The following SLCO3A1 variants were observed in gnomAD, a reference collection of about 807,000 sequenced individuals.
The protein encoded by SLCO3A1 is solute carrier organic anion transporter family member 3A1.
Under a neutral mutation model 63.1 loss-of-function variants are expected in SLCO3A1, and 27 were observed. The ratio of observed to expected loss-of-function variants is 0.43; its 90% confidence interval spans 0.32 to 0.59. The LOEUF (loss-of-function observed/expected upper bound fraction) is 0.59. Ranked by LOEUF, SLCO3A1 falls within the 20% of genes least tolerant of loss-of-function variation. The probability of loss-of-function intolerance (pLI) is 0.09; values close to 1 mark genes in which losing one functional copy is unlikely to be tolerated. For synonymous variants in SLCO3A1, 473 were observed against 409.9 expected, an observed-to-expected ratio of 1.15 and a Z score of -1.86; for missense variants, 773 against 945.8, an observed-to-expected ratio of 0.82 and a Z score of 2.40.
At chr15:92,092,411 G>C (rs2047488510) in intron 2 of SLCO3A1, among the ~76,000 whole-genome samples, 1 of 152,082 alleles carries the variant, frequency 6.6e-6, no homozygotes, top group Non-Finnish European at 1.5e-5. Context: ...GAGTCAAGAA[G>C]GGTAGGCACA....
chr15:92,082,295 A>G (rs2047356575), intron 2 of SLCO3A1, among the ~76,000 whole-genome samples: 1 of 152,232 alleles, frequency 6.6e-6, no homozygotes, highest in South Asian at 2.1e-4. Context: ...TGCAGATTTA[A>G]GATGTGGCAA....
chr15:91,980,925 A>G (rs909477177), intron 2 of SLCO3A1, among the ~76,000 whole-genome samples: 1 of 152,242 alleles, frequency 6.6e-6, no homozygotes, highest in Admixed American at 6.5e-5. Flanking sequence ...ATTCATGTGC[A>G]GAAACTGGCA....
intron 1 of SLCO3A1, among the ~76,000 whole-genome samples, chr15:91,899,759 G>A (rs756944026): frequency 6.6e-6 from 1 of 152,156 alleles, no homozygotes; most frequent in Non-Finnish European, 1.5e-5. Context: ...CCCAGTTGTG[G>A]TAAGTTCCTG....
chr15:91,884,470 T>C (rs975109807), intron 1 of SLCO3A1, among the ~76,000 whole-genome samples: 216 of 142,682 alleles, frequency 1.5e-3, no homozygotes, highest in African/African-American at 5.3e-3. Flanking sequence ...CGAGATCGCG[T>C]CACTGCGCTC....
rs1308289987 is a variant in SLCO3A1, at chr15:91,941,749, G to C, written c.646+25291G>C. Among the ~76,000 whole-genome samples, 2 of 151,776 alleles carry C rather than the reference G, an allele frequency of 1.3e-5. No individual in the cohort carries two copies. The highest frequency in any genetic ancestry group is 4.8e-5 in the African/African-American group (2 of 41,280). Reference sequence around the variant, plus strand: ...TATCTTCTATTCATTAACCTTCATGGAGCTTGTCTGTGTGCAACTTCATCT... The same window carrying C: ...TATCTTCTATTCATTAACCTTCATGCAGCTTGTCTGTGTGCAACTTCATCT... On this transcript the variant is annotated intron_variant, in intron 2 of 9. Transcript: ENST00000318445. This position sits in a 1 kb window ranked among gnomAD's most constrained non-coding sequence, Gnocchi z 4.4.
intron 1 of SLCO3A1, among the ~76,000 whole-genome samples, chr15:91,880,400 T>TGTGTG (rs1897545885): frequency 8.9e-6 from 1 of 112,810 alleles, no homozygotes; most frequent in Non-Finnish European, 2.1e-5. Context: ...TCTCTCTCTC[T>TGTGTG]CTCTCTCTCT....
At chr15:92,152,889 T>A (rs1016374441) in intron 9 of SLCO3A1, among the ~76,000 whole-genome samples, 6 of 152,208 alleles carry the variant, frequency 3.9e-5, no homozygotes, top group African/African-American at 9.6e-5. Flanking sequence ...GTGGAGTTGC[T>A]ATGGAGATCT....
intron 4 of SLCO3A1, among the ~76,000 whole-genome samples, chr15:92,111,106 C>T (rs1002411273): frequency 2.0e-5 from 3 of 152,186 alleles, no homozygotes; most frequent in Non-Finnish European, 4.4e-5. Flanking sequence ...CCCCGCCCCA[C>T]CACTGTGCTT....
At chr15:92,128,305 G>T (rs78439551) in intron 6 of SLCO3A1, 46 bp from the exon 7 acceptor site, 1 of 1,612,550 alleles carries the variant, frequency 6.2e-7, no homozygotes, top group South Asian at 1.1e-5. Context: ...ATCTGATTCC[G>T]AATTGACCTG....
rs192440148 is a variant in SLCO3A1 at position 92,072,528 on chromosome 15, C to T, written c.647-22353C>T. On this transcript the variant is annotated intron_variant, in intron 2 of 9. Transcript: ENST00000318445. ...TTTCTGAGACTATGCAACAACTTTA[C>T]GCAAAAACTGTATTTTTGTCCACAA... Among the ~76,000 whole-genome samples, 442 of 152,266 alleles carry T rather than the reference C, an allele frequency of 2.9e-3. 2 individuals carry two copies. The highest frequency in any genetic ancestry group is 0.01 in the African/African-American group (422 of 41,550).
At chr15:92,075,986 G>A (rs1421752157) in intron 2 of SLCO3A1, among the ~76,000 whole-genome samples, 6 of 152,310 alleles carry the variant, frequency 3.9e-5, no homozygotes, top group African/African-American at 7.2e-5. Flanking sequence ...TTGGTCTGGC[G>A]TGACTTGTTC....
At chr15:92,138,045 T>C (rs2048081599) in intron 7 of SLCO3A1, among the ~76,000 whole-genome samples, 1 of 110,902 alleles carries the variant, frequency 9.0e-6, no homozygotes, top group Admixed American at 9.5e-5. Context: ...ATGAAGTCCT[T>C]GCCCATGCCT....
chr15:92,079,799 G>T (rs1271873961), intron 2 of SLCO3A1, among the ~76,000 whole-genome samples: 1 of 152,254 alleles, frequency 6.6e-6, no homozygotes, highest in Non-Finnish European at 1.5e-5. Context: ...GTCCTGCAGA[G>T]CTTTGAAGCC....
chr15:92,010,437 AC>A (rs1226229634), intron 2 of SLCO3A1, among the ~76,000 whole-genome samples: 1 of 152,132 alleles, frequency 6.6e-6, no homozygotes, highest in Non-Finnish European at 1.5e-5. Context: ...TGGTCTAGGG[AC>A]CCTTTTTCAC....
chr15:92,114,139 T>A (rs892368794), intron 4 of SLCO3A1, among the ~76,000 whole-genome samples: 1 of 152,194 alleles, frequency 6.6e-6, no homozygotes, highest in African/African-American at 2.4e-5. Flanking sequence ...GGCAGGGAAC[T>A]GACTTAACAA....
chr15:91,994,649 G>A (rs1459385206), intron 2 of SLCO3A1, among the ~76,000 whole-genome samples: 1 of 152,232 alleles, frequency 6.6e-6, no homozygotes, highest in African/African-American at 2.4e-5. Flanking sequence ...CCACTCAAGT[G>A]GAGATCTCAG....
Position 91,926,596 on chromosome 15 carries a change from T to TGTGTGTGTGTGTGTGTGTGCGC in SLCO3A1, c.646+10139_646+10140insTGTGTGTGTGTGTGTGTGCGCG. Among the ~76,000 whole-genome samples, 306 of 105,262 alleles carry TGTGTGTGTGTGTGTGTGTGCGC rather than the reference T, an allele frequency of 2.9e-3. 4 individuals carry two copies. The highest frequency in any genetic ancestry group is 0.01 in the African/African-American group (280 of 27,362). 69.1% of individuals were successfully genotyped at this position (105,262 alleles called of 152,430 possible). A position where few individuals can be genotyped will look rare whatever the true frequency, so the allele number is the denominator to read the frequency against. Reference sequence around the variant, plus strand: ...GTGTGTGTGTGTGTGTGTGTGTGTGTGCGCGCGCGCACGCCCATGCTTATT... The same window carrying TGTGTGTGTGTGTGTGTGTGCGC: ...GTGTGTGTGTGTGTGTGTGTGTGTGTGTGTGTGTGTGTGTGTGTGCGCGCGCGCGCGCACGCCCATGCTTATT... On this transcript the variant is annotated intron_variant, in intron 2 of 9. Coordinates refer to ENST00000318445, the MANE Select transcript of SLCO3A1 (RefSeq NM_013272.4).
In SLCO3A1 at chr15:91,941,431, G is replaced by A. The variant is rs2151400286; in HGVS notation, c.646+24973G>A. 2 of 424,214 alleles carry A rather than the reference G, an allele frequency of 4.7e-6. No individual in the cohort carries two copies. The highest frequency in any genetic ancestry group is 2.7e-5 in the Admixed American group (1 of 36,880). The allele number at this position is 424,214 out of a possible 1,614,324, so 26.3% of individuals were successfully genotyped here. The stretch of plus-strand genomic sequence containing the variant: ...TGTCACGGGAGTGGCGCTGTCACTC[G>A]TTGAGGTGGTGGCCTGGTTCCTTTG... On this transcript the variant is annotated intron_variant, in intron 2 of 9. Transcript: ENST00000318445. This position sits in a 1 kb window ranked among gnomAD's most constrained non-coding sequence, Gnocchi z 4.4.
intron 2 of SLCO3A1, among the ~76,000 whole-genome samples, chr15:92,041,633 A>G (rs1187921997): frequency 6.6e-6 from 1 of 152,180 alleles, no homozygotes; most frequent in Non-Finnish European, 1.5e-5. Flanking sequence ...ATATGTGTGT[A>G]ATTCAAATCA....
Sources: gnomAD v4.1 joint callset for allele counts (sites outside exome capture counted in the v4.1 genomes callset) on GRCh38, gnomAD v4.1.1 for gene constraint, Gnocchi (gnomAD v3.1) non-coding constraint, MANE v1.5 for transcripts, NCBI Gene and HGNC (gene_info 2026-07-23, HGNC 2026-07-21) for gene names.